Variants in ADGRB3 observed in about 807,000 individuals in gnomAD.
ADGRB3 encodes the protein brain-specific angiogenesis inhibitor 3.
Under a neutral mutation model 193.4 loss-of-function variants are expected in ADGRB3, and 37 were observed. The ratio of observed to expected loss-of-function variants is 0.19; its 90% CI spans 0.15 to 0.25. ADGRB3 has a LOEUF of 0.25. ADGRB3 is among the 10% of genes least tolerant of loss of function. The pLI, the probability that ADGRB3 is intolerant of heterozygous loss-of-function variation, is 1.00. For synonymous variants in ADGRB3, 690 were observed against 644.2 expected, an observed-to-expected ratio of 1.07 and a Z score of -1.08; for missense variants, 1,637 against 1,852.9, an observed-to-expected ratio of 0.88 and a Z score of 2.14.
intron 3 of ADGRB3, among the ~76,000 whole-genome samples, chr6:68,833,818 A>C (rs1767999097): frequency 6.6e-6 from 1 of 152,036 alleles, no homozygotes; most frequent in Non-Finnish European, 1.5e-5. Flanking sequence ...TACATCCAAA[A>C]ATAATCCAAA....
At chr6:68,652,562 C>G (rs141807331) in intron 3 of ADGRB3, among the ~76,000 whole-genome samples, 87 of 152,174 alleles carry the variant, frequency 5.7e-4, no homozygotes, top group Admixed American at 2.7e-3. Flanking sequence ...TTAGCTTACT[C>G]CAATCATGTG....
chr6:69,015,356 A>G (rs1422437065), intron 12 of ADGRB3, among the ~76,000 whole-genome samples: 1 of 151,964 alleles, frequency 6.6e-6, no homozygotes, highest in African/African-American at 2.4e-5. Flanking sequence ...TAATCCATCT[A>G]TTTCCTTGAG....
At chr6:69,314,324 A>G (rs1768264616) in intron 20 of ADGRB3, among the ~76,000 whole-genome samples, 1 of 151,690 alleles carries the variant, frequency 6.6e-6, no homozygotes, top group African/African-American at 2.4e-5. Flanking sequence ...AATTATAAAA[A>G]TTTAGCAAAT....
At chr6:69,182,487 T>C (rs1225938225) in intron 17 of ADGRB3, among the ~76,000 whole-genome samples, 1 of 152,014 alleles carries the variant, frequency 6.6e-6, no homozygotes, top group Non-Finnish European at 1.5e-5. Flanking sequence ...CTGCATTGGA[T>C]TCTGAATCAC....
chr6:68,752,755 G>A (rs1013111084), intron 3 of ADGRB3, among the ~76,000 whole-genome samples: 1 of 152,204 alleles, frequency 6.6e-6, no homozygotes, highest in Non-Finnish European at 1.5e-5. Context: ...TTGCTCCAGA[G>A]AGTGTTGGCA....
rs765489730 is a variant in ADGRB3, at chr6:68,643,438, C to CTTTTTTTTT, written c.757+4020_757+4028dup. ...CTTTCTCTTTACACTCTTCATCTTC[C>CTTTTTTTTT]TTTTTTTTTTTTTTTTTTTTTTCGT... On this transcript the variant is annotated intron_variant, in intron 3 of 31. Coordinates refer to ENST00000370598, the MANE Select transcript of ADGRB3 (RefSeq NM_001704.3). Among the ~76,000 whole-genome samples the CTTTTTTTTT allele has an allele frequency of 3.2e-3, 206 of 65,040 alleles. 3 individuals carry two copies. Among genetic ancestry groups the CTTTTTTTTT allele is most frequent in the East Asian group, 7.0e-3 (13 of 1,862 alleles). 42.7% of individuals were successfully genotyped at this position (65,040 alleles called of 152,430 possible).
chr6:69,274,445 T>TTTCCTTCCTTCCTTCCTTCCTTCCTTCC (rs550005820), intron 20 of ADGRB3, among the ~76,000 whole-genome samples: 5,342 of 123,286 alleles, frequency 0.043, 331 homozygotes, highest in African/African-American at 0.057. Context: ...GGTGGTTGCA[T>TTTCCTTCCTTCCTTCCTTCCTTCCTTCC]TTCCTTCCTT....
At chr6:68,873,190 A>G (rs1391533124) in intron 3 of ADGRB3, among the ~76,000 whole-genome samples, 2 of 152,168 alleles carry the variant, frequency 1.3e-5, no homozygotes, top group Non-Finnish European at 2.9e-5. Flanking sequence ...ATTGTAACAA[A>G]TCCTTCAAGA....
At chr6:68,977,420 C>A (rs1768782020) in intron 10 of ADGRB3, among the ~76,000 whole-genome samples, 1 of 151,950 alleles carries the variant, frequency 6.6e-6, no homozygotes. Context: ...ACAGAGCAAT[C>A]TTTACAAATT....
chr6:69,340,580 T>C (rs989991170), intron 26 of ADGRB3, among the ~76,000 whole-genome samples: 2 of 152,164 alleles, frequency 1.3e-5, no homozygotes, highest in East Asian at 3.9e-4. Flanking sequence ...TTTACCTGAT[T>C]TATCAGATGG....
intron 3 of ADGRB3, among the ~76,000 whole-genome samples, chr6:68,678,186 CAAG>C (rs1411911281): frequency 6.6e-6 from 1 of 151,932 alleles, no homozygotes; most frequent in Non-Finnish European, 1.5e-5. Context: ...TTTGGGAGGC[CAAG>C]GAGAGACTCT....
chr6:69,042,522 A>C (rs1416606352), intron 13 of ADGRB3, among the ~76,000 whole-genome samples: 1 of 152,222 alleles, frequency 6.6e-6, no homozygotes, highest in African/African-American at 2.4e-5. Flanking sequence ...TCATGTTTTA[A>C]AAAGAAATTG....
intron 6 of ADGRB3, among the ~76,000 whole-genome samples, chr6:68,955,415 T>G (rs1488986946): frequency 6.6e-6 from 1 of 152,218 alleles, no homozygotes; most frequent in Admixed American, 6.5e-5. Flanking sequence ...TGTTCACTAT[T>G]TCATGTACCC....
At chr6:68,920,567 G>C (rs1371966242) in intron 3 of ADGRB3, among the ~76,000 whole-genome samples, 1 of 146,312 alleles carries the variant, frequency 6.8e-6, no homozygotes, top group African/African-American at 2.5e-5. Flanking sequence ...TATAGAAGTC[G>C]TTCTCTTATA....
chr6:68,940,620 C>T (rs1306629207), intron 5 of ADGRB3, among the ~76,000 whole-genome samples: 1 of 121,558 alleles, frequency 8.2e-6, no homozygotes, highest in Non-Finnish European at 1.7e-5. Flanking sequence ...TAAAACCTAG[C>T]CGGGTGCGGT....
At chr6:69,144,311 G>A (rs1425011271) in intron 17 of ADGRB3, among the ~76,000 whole-genome samples, 1 of 152,094 alleles carries the variant, frequency 6.6e-6, no homozygotes, top group African/African-American at 2.4e-5. Context: ...TTTTTTCATG[G>A]AGTATTTAGT....
At chr6:68,986,877 G>A (rs1769091744) in intron 10 of ADGRB3, among the ~76,000 whole-genome samples, 1 of 152,012 alleles carries the variant, frequency 6.6e-6, no homozygotes, top group South Asian at 2.1e-4. Context: ...CACAATAGCG[G>A]CAACTGTGGC....
chr6:69,101,697 G>A (rs916406618), intron 17 of ADGRB3, among the ~76,000 whole-genome samples: 4 of 151,212 alleles, frequency 2.6e-5, no homozygotes, highest in African/African-American at 9.7e-5. Flanking sequence ...CTAAATCTTT[G>A]TGTGTGTGAG....
At chr6:68,837,893 CT>C (rs1768075362) in intron 3 of ADGRB3, among the ~76,000 whole-genome samples, 1 of 152,180 alleles carries the variant, frequency 6.6e-6, no homozygotes, top group Non-Finnish European at 1.5e-5. Flanking sequence ...ATAGTAGGAA[CT>C]ACCAAACATT....
Sources: allele counts gnomAD v4.1 joint callset (sites outside exome capture counted in the v4.1 genomes callset), GRCh38; gene constraint gnomAD v4.1.1; transcripts MANE v1.5; gene names NCBI Gene and HGNC (gene_info 2026-07-23, HGNC 2026-07-21).